Variants in CFAP46 observed in about 807,000 individuals in gnomAD.
The protein encoded by CFAP46 is cilia- and flagella-associated protein 46.
A neutral mutation model predicts 325.7 loss-of-function variants in CFAP46; 245 were observed. The ratio of observed to expected loss-of-function variants is 0.75; its 90% CI spans 0.68 to 0.84. The LOEUF (loss-of-function observed/expected upper bound fraction) is 0.84, where lower values mean the gene tolerates loss of function less well. CFAP46 is among the 40% of genes least tolerant of loss of function. The pLI is 0.00. For synonymous variants in CFAP46, 1,523 were observed against 1,495.9 expected (o/e 1.02, Z -0.42); for missense variants, 3,346 against 3,543.0 (o/e 0.94, Z 1.41).
chr10:132,827,240 A>G lies in CFAP46; in HGVS notation c.7117+6118T>C, dbSNP rs1390216915. Among the ~76,000 whole-genome samples, 1 of 152,094 alleles carries G rather than the reference A, an allele frequency of 6.6e-6. No homozygotes were observed. Among genetic ancestry groups the G allele is most frequent in the Non-Finnish European group, 1.5e-5 (1 of 68,012 alleles). On this transcript the variant is annotated intron_variant, in intron 50 of 57. Coordinates refer to ENST00000368586, the MANE Select transcript of CFAP46 (RefSeq NM_001200049.3). The surrounding 1 kb of genome is among the most constrained non-coding windows in gnomAD (Gnocchi z 5.7). Reference sequence around the variant, plus strand: ...AGGCAGGAGGGCGGCCGGAGGGACCAGCCACAGTTCCGAGAAGGGGCTGAC... The same window carrying G: ...AGGCAGGAGGGCGGCCGGAGGGACCGGCCACAGTTCCGAGAAGGGGCTGAC...
chr10:132,930,303 C>G (rs1405925463), intron 8 of CFAP46, among the ~76,000 whole-genome samples: 1 of 151,208 alleles, frequency 6.6e-6, no homozygotes, highest in Non-Finnish European at 1.5e-5. Flanking sequence ...CCGAACCTTC[C>G]TCCTCCCCAC....
chr10:132,922,408 C>T (rs1849737936), intron 12 of CFAP46, 72 bp downstream of exon 12: 1 of 1,468,720 alleles, frequency 6.8e-7, no homozygotes, highest in South Asian at 1.4e-5. Context: ...CCCTGCTGTG[C>T]CCTCAGAGCC....
At chr10:132,879,994 G>A (rs1478165495) in intron 28 of CFAP46, among the ~76,000 whole-genome samples, 5 of 152,166 alleles carry the variant, frequency 3.3e-5, no homozygotes, top group Non-Finnish European at 5.9e-5. Flanking sequence ...GTTCTGAGCA[G>A]GGCCCCCACT....
Position 132,920,166 on chromosome 10 carries a change from G to C in CFAP46, c.1623C>G (p.Asn541Lys). The C allele has an allele frequency of 6.5e-6, 10 of 1,544,006 alleles. No homozygotes were observed. Among genetic ancestry groups the C allele is most frequent in the Non-Finnish European group, 8.7e-6 (10 of 1,144,514 alleles). The change falls in exon 14 of 58, where the codon AAC (asparagine) becomes AAG (lysine). Residue 541 changes from asparagine to lysine, a missense_variant. Physicochemically the swap from Asn to Lys is moderately conservative, Grantham distance 94. Coordinates refer to ENST00000368586, the MANE Select transcript of CFAP46 (RefSeq NM_001200049.3). ...CACAGAGGTAGGTGAACCGGCCCCT[G>C]TTCTTCCCGGTGGAGACTGAGGGCG... ...ENEAKVSTGK[N>K]RGRFTYLCAK... is the part of the protein sequence containing the mutation.
intron 24 of CFAP46, among the ~76,000 whole-genome samples, chr10:132,894,153 T>C (rs1849291358): frequency 6.6e-6 from 1 of 152,266 alleles, no homozygotes; most frequent in African/African-American, 2.4e-5. Flanking sequence ...GACTCAAATA[T>C]ATCTGCTGCT....
At chr10:132,845,302 G>A (rs1234915260) in intron 44 of CFAP46, among the ~76,000 whole-genome samples, 1 of 152,228 alleles carries the variant, frequency 6.6e-6, no homozygotes, top group East Asian at 1.9e-4. Flanking sequence ...TGAGTCACCA[G>A]TTCTCAGCCG....
At chr10:132,875,114 G>A (rs1033511325) in intron 31 of CFAP46, among the ~76,000 whole-genome samples, 9 of 152,106 alleles carry the variant, frequency 5.9e-5, no homozygotes, top group Non-Finnish European at 8.8e-5. Context: ...AGTTTATCTG[G>A]AGTTTAAACA....
Position 132,924,787 on chromosome 10 carries a change from TC to T in CFAP46, c.1164del (p.Trp388Ter). On this transcript the variant is annotated frameshift_variant, in exon 11 of 58. Transcript: ENST00000368586. LOFTEE classifies it high-confidence loss of function. The stretch of plus-strand genomic sequence containing the variant: ...TGCTGCAGCAGGGGCAGGCAGGTGT[TC>T]CACTGCGTGGCGCACACCACGTGGA... ...RVIHVVCATQWNTCLPLLQHN... is the reference protein window; with the variant it reads ...RVIHVVCATQXNTCLPLLQHN... 2 of 1,524,868 alleles carry T rather than the reference TC, an allele frequency of 1.3e-6. No homozygotes were observed. Among genetic ancestry groups the T allele is most frequent in the South Asian group, 1.2e-5 (1 of 80,908 alleles). The allele number at this position is 1,524,868 out of a possible 1,614,324, so 94.5% of individuals were successfully genotyped here. A position where few individuals can be genotyped will look rare whatever the true frequency, so the allele number is the denominator to read the frequency against.
chr10:132,924,579 G>T, intron 11 of CFAP46, 117 bp downstream of exon 11: 4 of 1,011,684 alleles, frequency 4.0e-6, no homozygotes, highest in African/African-American at 1.7e-5. Flanking sequence ...GAGTACAGGG[G>T]GAGTCTGTTG....
At chr10:132,912,631 C>T (rs1849570547) in intron 19 of CFAP46, 24 bp downstream of exon 19, 1 of 1,465,872 alleles carries the variant, frequency 6.8e-7, no homozygotes, top group Non-Finnish European at 9.2e-7. Context: ...CTCTCTCTCT[C>T]TCTCGGCATC....
Position 132,808,462 on chromosome 10 carries a change from C to T in CFAP46, c.8107G>A (p.Asp2703Asn), listed in dbSNP as rs559710380. Residue 2703 changes from aspartate to asparagine, a missense_variant, in exon 58 of 58, where the codon GAC (aspartate) becomes AAC (asparagine). Coordinates refer to ENST00000368586, the MANE Select transcript of CFAP46 (RefSeq NM_001200049.3). This position sits in a 1 kb window ranked among gnomAD's most constrained non-coding sequence, Gnocchi z 6.8. ...PLAALVLSCLDQKTIQTVSLF... is the reference protein window; with the variant it reads ...PLAALVLSCLNQKTIQTVSLF... ...CTCACGGTCTGAATAGTCTTCTGGT[C>T]TAAGCAACTCAGCACCAGCGCCGCC... 6.2e-7 allele frequency: 1 copy of T among 1,613,220 alleles called. No homozygotes were observed. The highest frequency in any genetic ancestry group is 8.5e-7 in the Non-Finnish European group (1 of 1,179,956).
At position 132,860,480 on chromosome 10, in the gene CFAP46, A is replaced by G; in HGVS notation, c.5135T>C (p.Leu1712Pro). ...CAATCGGTTTGGTCTTTCTTTCTTG[A>G]GGATCTTGAAGGCATTGATGAGCTT... Reference protein sequence around the residue: ...FQKLINAFKILKKERPNRLPL... With the variant: ...FQKLINAFKIPKKERPNRLPL... Residue 1712 changes from leucine to proline, a missense_variant, in exon 37 of 58, where the codon CTC becomes CCC. Transcript: ENST00000368586. 6.4e-7 allele frequency: 1 copy of G among 1,551,196 alleles called. No homozygotes were observed.
intron 13 of CFAP46, among the ~76,000 whole-genome samples, chr10:132,920,978 G>C (rs1474719169): frequency 6.6e-6 from 1 of 152,238 alleles, no homozygotes; most frequent in African/African-American, 2.4e-5. Flanking sequence ...AAACTCATTA[G>C]GGCAAAATGA....
chr10:132,899,781 C>A, intron 22 of CFAP46, 115 bp from the exon 23 acceptor site: 2 of 1,221,582 alleles, frequency 1.6e-6, no homozygotes, highest in South Asian at 1.6e-5. Flanking sequence ...AGATGGGGCA[C>A]CTCCTGGCCC....
intron 44 of CFAP46, 103 bp from the exon 45 acceptor site, chr10:132,837,017 G>T: frequency 1.1e-6 from 1 of 918,538 alleles, no homozygotes; most frequent in Non-Finnish European, 1.7e-6. Context: ...AGCCACGGCG[G>T]GGGCTTTGTA....
intron 22 of CFAP46, among the ~76,000 whole-genome samples, chr10:132,900,363 C>A (rs1849376807): frequency 6.6e-6 from 1 of 152,248 alleles, no homozygotes; most frequent in Non-Finnish European, 1.5e-5. Context: ...TGCTCCAGGG[C>A]TGCCGTGGCT....
intron 8 of CFAP46, among the ~76,000 whole-genome samples, chr10:132,931,604 T>C (rs74161932): frequency 0.14 from 14,773 of 106,198 alleles, 1,240 homozygotes; most frequent in African/African-American, 0.27. Flanking sequence ...GCCTTCCCCA[T>C]ACAGAGGCTA....
chr10:132,850,510 C>T, intron 40 of CFAP46, 78 bp from the exon 41 acceptor site: 3 of 1,378,098 alleles, frequency 2.2e-6, no homozygotes, highest in South Asian at 1.4e-5. Context: ...AGTGAGCCCG[C>T]CCTCTGCTGT....
intron 24 of CFAP46, among the ~76,000 whole-genome samples, chr10:132,897,747 C>T (rs1849337732): frequency 1.3e-5 from 2 of 152,222 alleles, no homozygotes; most frequent in Non-Finnish European, 2.9e-5. Flanking sequence ...AGAGCTCAGA[C>T]CCAGGCTTCC....
Sources: allele counts gnomAD v4.1 joint callset (sites outside exome capture counted in the v4.1 genomes callset), GRCh38; gene constraint gnomAD v4.1.1; non-coding constraint Gnocchi (gnomAD v3.1); transcripts MANE v1.5; gene names NCBI Gene and HGNC (gene_info 2026-07-23, HGNC 2026-07-21).